Variants in ADAMTSL3 observed in about 807,000 individuals in gnomAD.
ADAMTSL3 encodes the protein ADAMTS-like protein 3.
Under a neutral mutation model 201.7 loss-of-function variants are expected in ADAMTSL3, and 128 were observed. That is an observed-to-expected ratio of 0.63 (90% CI 0.55 to 0.73). The LOEUF (loss-of-function observed/expected upper bound fraction) is 0.73. Ranked by LOEUF, ADAMTSL3 falls within the 30% of genes least tolerant of loss-of-function variation. The pLI is 0.00. For missense variants in ADAMTSL3, 1,990 were observed against 2,119.6 expected (o/e 0.94, Z 1.20); for synonymous variants, 738 against 748.4 (o/e 0.99, Z 0.23).
intron 3 of ADAMTSL3, among the ~76,000 whole-genome samples, chr15:83,739,509 T>C (rs924207664): frequency 2.0e-5 from 3 of 151,478 alleles, no homozygotes; most frequent in Non-Finnish European, 4.4e-5. Flanking sequence ...TTATAAGATA[T>C]ACATGAAACA....
intron 3 of ADAMTSL3, among the ~76,000 whole-genome samples, chr15:83,738,279 A>T (rs1596116159): frequency 6.6e-6 from 1 of 152,214 alleles, no homozygotes; most frequent in African/African-American, 2.4e-5. Flanking sequence ...AATCTTTCTC[A>T]CCCACTTTCC....
intron 5 of ADAMTSL3, among the ~76,000 whole-genome samples, chr15:83,813,276 GA>G (rs2063724491): frequency 6.6e-6 from 1 of 152,144 alleles, no homozygotes; most frequent in Non-Finnish European, 1.5e-5. Context: ...TCAGAGAAAG[GA>G]AATCCTCCAT....
intron 5 of ADAMTSL3, among the ~76,000 whole-genome samples, chr15:83,816,788 C>T (rs1041342783): frequency 2.0e-5 from 3 of 152,142 alleles, no homozygotes; most frequent in African/African-American, 7.2e-5. Context: ...GGCAGATTGC[C>T]TGAGCCCAGG....
At chr15:84,013,005 T>G (rs2068031478) in intron 23 of ADAMTSL3, among the ~76,000 whole-genome samples, 1 of 152,234 alleles carries the variant, frequency 6.6e-6, no homozygotes, top group African/African-American at 2.4e-5. Flanking sequence ...GCTCCCCCTA[T>G]GCATTTCCAC....
At chr15:83,810,082 C>A (rs991798595) in intron 5 of ADAMTSL3, among the ~76,000 whole-genome samples, 1 of 152,210 alleles carries the variant, frequency 6.6e-6, no homozygotes, top group Non-Finnish European at 1.5e-5. Context: ...TATCTCTCCA[C>A]TGGTTCCAAA....
Position 83,714,642 on chromosome 15 carries a change from CCTTT to C in ADAMTSL3, c.189+10141_189+10144del, listed in dbSNP as rs561943206. On this transcript the variant is annotated intron_variant, in intron 3 of 29. Coordinates refer to ENST00000286744, the MANE Select transcript of ADAMTSL3 (RefSeq NM_207517.3). ...GCTTGCTTCCTAGGCCTCCTGCTTT[CCTTT>C]CTTTCTCTCTCTCCCTTCCTCCCTC... 7.2e-5 allele frequency among the ~76,000 whole-genome samples: 11 copies of C among 152,012 alleles called. No homozygotes were observed. In the South Asian group the frequency reaches 1.5e-3, roughly 20 times the overall value.
intron 20 of ADAMTSL3, 115 bp downstream of exon 20, chr15:83,970,752 G>A (rs533273575): frequency 2.3e-5 from 31 of 1,319,908 alleles, no homozygotes; most frequent in Middle Eastern, 3.8e-4. Context: ...GGCAACTCAA[G>A]CTGTACTCAG....
intron 20 of ADAMTSL3, among the ~76,000 whole-genome samples, chr15:83,978,772 G>A (rs917270967): frequency 6.6e-5 from 10 of 152,216 alleles, no homozygotes; most frequent in Non-Finnish European, 1.2e-4. Context: ...ACCCCAGTGT[G>A]AGCAATGGCC....
At chr15:83,706,237 A>G (rs1312816819) in intron 3 of ADAMTSL3, among the ~76,000 whole-genome samples, 2 of 152,200 alleles carry the variant, frequency 1.3e-5, no homozygotes, top group Non-Finnish European at 1.5e-5. Flanking sequence ...AGAGTGGTTA[A>G]TGTCTTCTCC....
intron 7 of ADAMTSL3, among the ~76,000 whole-genome samples, chr15:83,846,957 A>G (rs976587283): frequency 2.0e-5 from 3 of 152,230 alleles, no homozygotes; most frequent in South Asian, 2.1e-4. Flanking sequence ...AGCCCTGCCA[A>G]TAAGCACAGA....
At chr15:83,978,040 A>C (rs946604443) in intron 20 of ADAMTSL3, among the ~76,000 whole-genome samples, 4 of 151,890 alleles carry the variant, frequency 2.6e-5, no homozygotes, top group Non-Finnish European at 4.4e-5. Context: ...AGCCATATTC[A>C]GGGCTGGTTC....
intron 8 of ADAMTSL3, among the ~76,000 whole-genome samples, chr15:83,866,504 C>T (rs1312559172): frequency 6.6e-6 from 1 of 151,586 alleles, no homozygotes; most frequent in Non-Finnish European, 1.5e-5. Flanking sequence ...CAAACTATCA[C>T]AAGGACAAAA....
intron 4 of ADAMTSL3, among the ~76,000 whole-genome samples, chr15:83,792,266 T>G (rs1309730370): frequency 1.4e-4 from 21 of 152,172 alleles, no homozygotes; most frequent in Admixed American, 1.4e-3. Context: ...TTAAGTGATG[T>G]AAGCCAAAAG....
At chr15:83,825,429 G>T (rs563928762) in intron 6 of ADAMTSL3, among the ~76,000 whole-genome samples, 3 of 152,082 alleles carry the variant, frequency 2.0e-5, no homozygotes, top group Non-Finnish European at 4.4e-5. Context: ...TGGGCAACAT[G>T]GGGAAACCTC....
At chr15:83,854,655 C>T (rs142342753) in intron 7 of ADAMTSL3, among the ~76,000 whole-genome samples, 4 of 152,280 alleles carry the variant, frequency 2.6e-5, no homozygotes, top group African/African-American at 9.6e-5. Context: ...CATTGATGAT[C>T]CTTGCCTGAA....
chr15:83,709,054 C>T (rs2061896288), intron 3 of ADAMTSL3, among the ~76,000 whole-genome samples: 1 of 152,138 alleles, frequency 6.6e-6, no homozygotes, highest in African/African-American at 2.4e-5. Flanking sequence ...AATCCTGATT[C>T]CACTGTTTAC....
chr15:83,709,681 G>T (rs1455801616), intron 3 of ADAMTSL3, among the ~76,000 whole-genome samples: 1 of 152,188 alleles, frequency 6.6e-6, no homozygotes, highest in East Asian at 1.9e-4. Context: ...GTCACTGAAA[G>T]CCTGTGACAA....
intron 4 of ADAMTSL3, among the ~76,000 whole-genome samples, chr15:83,775,054 C>T (rs2063048124): frequency 6.6e-6 from 1 of 152,116 alleles, no homozygotes; most frequent in South Asian, 2.1e-4. Flanking sequence ...ACCATATTGG[C>T]CAGGCTGGTC....
intron 5 of ADAMTSL3, 142 bp from the exon 6 acceptor site, chr15:83,819,669 A>T (rs2063826823): frequency 1.6e-6 from 1 of 629,270 alleles, no homozygotes; most frequent in Non-Finnish European, 2.8e-6. Context: ...ATCAAAAAAA[A>T]AAAAAAAAAA....
Sources: allele counts gnomAD v4.1 joint callset (sites outside exome capture counted in the v4.1 genomes callset), GRCh38; gene constraint gnomAD v4.1.1; transcripts MANE v1.5; gene names NCBI Gene and HGNC (gene_info 2026-07-23, HGNC 2026-07-21).